The following AUTS2 variants were observed in gnomAD, a reference collection of about 807,000 sequenced individuals.
AUTS2 encodes activator of transcription and developmental regulator AUTS2.
In AUTS2, 17 loss-of-function variants were observed where a neutral mutation model predicts 112.4. The observed-to-expected ratio is 0.15, with a 90% confidence interval of 0.10 to 0.23. The LOEUF is 0.23. Ranked by LOEUF, AUTS2 falls within the 10% of genes least tolerant of loss-of-function variation. The pLI is 1.00. For missense variants in AUTS2, 1,510 were observed against 1,701.6 expected (o/e 0.89, Z 1.98); for synonymous variants, 751 against 702.7 (o/e 1.07, Z -1.09).
chr7:69,684,064 C>G (rs530438991), intron 1 of AUTS2, among the ~76,000 whole-genome samples: 1 of 152,326 alleles, frequency 6.6e-6, no homozygotes, highest in South Asian at 2.1e-4. Flanking sequence ...TTCTAAGACT[C>G]AGCCATCTTG....
At position 70,297,979 on chromosome 7, in the gene AUTS2, C is replaced by G. The variant is rs1789022589; in HGVS notation, c.661-137773C>G. On this transcript the variant is annotated intron_variant, in intron 4 of 18. Coordinates refer to ENST00000342771, the MANE Select transcript of AUTS2 (RefSeq NM_015570.4). Reference sequence around the variant, plus strand: ...CCTCCTTTGCTCAGCTTTCTTAGAGCTTCCTATGCACCTGAAAAACCCAAA... The same window carrying G: ...CCTCCTTTGCTCAGCTTTCTTAGAGGTTCCTATGCACCTGAAAAACCCAAA... Among the ~76,000 whole-genome samples, 3 of 152,076 alleles carry G rather than the reference C, an allele frequency of 2.0e-5. No homozygotes were observed. In the South Asian group the frequency reaches 6.2e-4, roughly 32 times the overall value.
intron 5 of AUTS2, among the ~76,000 whole-genome samples, chr7:70,658,477 C>T (rs529371945): frequency 1.5e-4 from 23 of 152,350 alleles, no homozygotes; most frequent in African/African-American, 4.6e-4. Flanking sequence ...GGGGCTGATC[C>T]GCTTTGAAAC....
intron 2 of AUTS2, among the ~76,000 whole-genome samples, chr7:69,926,022 T>C (rs145120065): frequency 6.6e-6 from 1 of 152,236 alleles, no homozygotes; most frequent in African/African-American, 2.4e-5. Context: ...AGAAACAACA[T>C]TGCTTGTATG....
chr7:70,509,303 C>A (rs754763148), intron 5 of AUTS2, among the ~76,000 whole-genome samples: 4 of 152,090 alleles, frequency 2.6e-5, no homozygotes, highest in Non-Finnish European at 4.4e-5. Context: ...TCCCATAAGT[C>A]CATTTAGAAT....
chr7:70,096,824 T>TC (rs1313355068), intron 2 of AUTS2, among the ~76,000 whole-genome samples: 6 of 152,108 alleles, frequency 3.9e-5, no homozygotes, highest in Admixed American at 2.6e-4. Flanking sequence ...TAGCAAGTGT[T>TC]CCAAGAGAAT....
intron 4 of AUTS2, among the ~76,000 whole-genome samples, chr7:70,332,831 T>G (rs1790819538): frequency 6.6e-6 from 1 of 152,176 alleles, no homozygotes; most frequent in Non-Finnish European, 1.5e-5. Context: ...GATTAAAGAC[T>G]TAAACATAAG....
At chr7:70,081,719 A>G (rs1216117120) in intron 2 of AUTS2, among the ~76,000 whole-genome samples, 1 of 152,178 alleles carries the variant, frequency 6.6e-6, no homozygotes, top group Non-Finnish European at 1.5e-5. Flanking sequence ...GTGTGGAGGA[A>G]TGTTTTGTTT....
intron 1 of AUTS2, among the ~76,000 whole-genome samples, chr7:69,888,209 A>T (rs867499796): frequency 6.6e-6 from 1 of 151,984 alleles, no homozygotes; most frequent in Middle Eastern, 3.4e-3. Flanking sequence ...TAAGGAAAGG[A>T]GGTTTATTTC....
intron 4 of AUTS2, among the ~76,000 whole-genome samples, chr7:70,221,114 C>T (rs964886696): frequency 5.9e-5 from 9 of 152,146 alleles, no homozygotes; most frequent in Admixed American, 1.3e-4. Flanking sequence ...CACTATGTTG[C>T]CCAGAGTGGT....
Position 70,739,003 on chromosome 7 carries a change from C to CTTTTTTTTTTTT in AUTS2, c.743-23844_743-23833dup, listed in dbSNP as rs57525224. The stretch of plus-strand genomic sequence containing the variant: ...GGTGATGTCCACGAGGTTTTGAGGC[C>CTTTTTTTTTTTT]TTTTTTTTTTTTTTTTTTTTTTTTT... On this transcript the variant is annotated intron_variant, in intron 6 of 18. Coordinates refer to ENST00000342771, the MANE Select transcript of AUTS2 (RefSeq NM_015570.4). Among the ~76,000 whole-genome samples, 117 of 57,296 alleles carry CTTTTTTTTTTTT rather than the reference C, an allele frequency of 2.0e-3. 20 individuals carry two copies. The highest frequency in any genetic ancestry group is 2.9e-3 in the Non-Finnish European group (93 of 31,702). The allele number at this position is 57,296 out of a possible 152,430, so 37.6% of individuals were successfully genotyped here.
At chr7:70,647,223 C>T (rs190465088) in intron 5 of AUTS2, among the ~76,000 whole-genome samples, 117 of 152,314 alleles carry the variant, frequency 7.7e-4, no homozygotes, top group Non-Finnish European at 1.4e-3. Context: ...CCCCTCTACT[C>T]CAGGATGGAG....
intron 5 of AUTS2, among the ~76,000 whole-genome samples, chr7:70,522,287 G>A (rs1439999879): frequency 6.6e-6 from 1 of 152,118 alleles, no homozygotes; most frequent in African/African-American, 2.4e-5. Flanking sequence ...CACAGATATG[G>A]GAAACTTTTT....
intron 10 of AUTS2, among the ~76,000 whole-genome samples, chr7:70,768,689 T>G (rs1322537143): frequency 6.6e-6 from 1 of 152,144 alleles, no homozygotes; most frequent in Non-Finnish European, 1.5e-5. Context: ...AAAACTTGTT[T>G]TATGCCATTT....
chr7:70,773,003 GTC>G (rs975886845), intron 11 of AUTS2, among the ~76,000 whole-genome samples: 1 of 152,238 alleles, frequency 6.6e-6, no homozygotes, highest in African/African-American at 2.4e-5. Context: ...GCAAGAAAGT[GTC>G]TCTCCTGGTG....
chr7:69,828,006 G>A (rs1191764733), intron 1 of AUTS2, among the ~76,000 whole-genome samples: 1 of 152,254 alleles, frequency 6.6e-6, no homozygotes, highest in Non-Finnish European at 1.5e-5. Flanking sequence ...CTGGGGACCA[G>A]CATTCCGTGA....
At chr7:70,257,950 C>T (rs1182427518) in intron 4 of AUTS2, among the ~76,000 whole-genome samples, 3 of 152,232 alleles carry the variant, frequency 2.0e-5, no homozygotes, top group Non-Finnish European at 4.4e-5. Flanking sequence ...TCTGGTCCAA[C>T]TCCTGGCCGA....
intron 4 of AUTS2, among the ~76,000 whole-genome samples, chr7:70,389,042 A>T (rs1251508360): frequency 6.6e-6 from 1 of 152,176 alleles, no homozygotes; most frequent in Non-Finnish European, 1.5e-5. Context: ...TGTTGGAAAG[A>T]GCCTCCCAAA....
At chr7:70,003,201 T>A (rs1001774776) in intron 2 of AUTS2, among the ~76,000 whole-genome samples, 5 of 134,208 alleles carry the variant, frequency 3.7e-5, no homozygotes, top group Non-Finnish European at 7.7e-5. Context: ...ATGAATATAT[T>A]ATATATGAAT....
chr7:70,229,710 A>C (rs1179953661), intron 4 of AUTS2, among the ~76,000 whole-genome samples: 1 of 151,800 alleles, frequency 6.6e-6, no homozygotes, highest in East Asian at 1.9e-4. Flanking sequence ...TGTTTGTTAT[A>C]TTTGAGGTGT....
Sources: allele counts gnomAD v4.1 joint callset (sites outside exome capture counted in the v4.1 genomes callset), GRCh38; gene constraint gnomAD v4.1.1; transcripts MANE v1.5; gene names NCBI Gene and HGNC (gene_info 2026-07-23, HGNC 2026-07-21).